KRT8: variants seen among roughly 807,000 people sequenced by gnomAD.
The protein encoded by KRT8 is keratin 8, also known as keratin, type II cytoskeletal 8.
In KRT8, 24 loss-of-function variants were observed where a neutral mutation model predicts 43.0. The ratio of observed to expected loss-of-function variants is 0.56; its 90% CI spans 0.40 to 0.78. The LOEUF is 0.78. Ranked by LOEUF, KRT8 falls within the 30% of genes least tolerant of loss-of-function variation. The pLI is 0.00. For missense variants in KRT8, 492 were observed against 638.4 expected (o/e 0.77, Z 2.47); for synonymous variants, 214 against 261.2 (o/e 0.82, Z 1.74).
At chr12:52,927,714 C>T (rs1444562122) in intron 2 of KRT8, among the ~76,000 whole-genome samples, 1 of 152,190 alleles carries the variant, frequency 6.6e-6, no homozygotes, top group Non-Finnish European at 1.5e-5. Context: ...TACAGACACA[C>T]ATGTTCTTGT....
chr12:52,925,493 G>T (rs1941971632), intron 2 of KRT8, among the ~76,000 whole-genome samples: 2 of 152,142 alleles, frequency 1.3e-5, no homozygotes, highest in Admixed American at 1.3e-4. Context: ...CTCTTCCCCT[G>T]CAGGTATCCC....
intron 2 of KRT8, among the ~76,000 whole-genome samples, chr12:52,921,449 G>A (rs1941884534): frequency 6.6e-6 from 1 of 152,086 alleles, no homozygotes; most frequent in African/African-American, 2.4e-5. Flanking sequence ...CTATGGCTTC[G>A]ATGGCTCCCA....
chr12:52,897,684 T>C (rs2120537194), intron 7 of KRT8, 66 bp from the exon 8 acceptor site: 20 of 1,594,034 alleles, frequency 1.3e-5, no homozygotes, highest in Non-Finnish European at 1.6e-5. Flanking sequence ...CCATGCCCCT[T>C]CTCCCTGCTC....
chr12:52,912,886 GCACAGGCAGCGTGACCAGGTA>G (rs550304697), intron 2 of KRT8, among the ~76,000 whole-genome samples: 1,528 of 152,342 alleles, frequency 0.01, 11 homozygotes, highest in Non-Finnish European at 0.014. Flanking sequence ...TAGCCACTTA[GCACAGGCAGCGTGACCAGGTA>G]CACAGGCAGC....
At chr12:52,918,196 G>GAAGAAC (rs1565725644) in intron 2 of KRT8, among the ~76,000 whole-genome samples, 18 of 125,894 alleles carry the variant, frequency 1.4e-4, no homozygotes, top group Non-Finnish European at 2.7e-4. Context: ...AGAAGAAGAA[G>GAAGAAC]AAGAAGAACA....
At chr12:52,949,023 G>A (rs905598458) in intron 2 of KRT8, 5 of 700,084 alleles carry the variant, frequency 7.1e-6, no homozygotes, top group Non-Finnish European at 1.2e-5. Flanking sequence ...CGCGGGCTCC[G>A]AGCCGTCCAC....
At chr12:52,905,976 G>A (rs1941509727), upstream of KRT8, among the ~76,000 whole-genome samples, 1 of 152,200 alleles carries the variant, frequency 6.6e-6, no homozygotes. Flanking sequence ...AGCTACTCAG[G>A]AGGCTGAGGC....
At chr12:52,906,449 G>C (rs1476302611), upstream of KRT8, 3 of 319,124 alleles carry the variant, frequency 9.4e-6, no homozygotes, top group Admixed American at 4.2e-5. Flanking sequence ...AGAGGAAATA[G>C]AGGAAGAGTC....
At position 52,929,188 on chromosome 12, in the gene KRT8, CTTT is replaced by C. The variant is rs59896088; in HGVS notation, c.-47+20265_-47+20267del. 3.6e-3 allele frequency among the ~76,000 whole-genome samples: 483 copies of C among 132,898 alleles called. 3 individuals carry two copies. The highest frequency in any genetic ancestry group is 3.4e-3 in the Non-Finnish European group (218 of 63,608). The allele number at this position is 132,898 out of a possible 152,430, so 87.2% of individuals were successfully genotyped here. ...CCACTCCTCCTTCCTTCCTTCCTTT[CTTT>C]TTTTTTTTTTTTTTTCCAGATTCTC... On this transcript the variant is annotated intron_variant, in intron 2 of 6. Transcript: ENST00000546826.
intron 2 of KRT8, among the ~76,000 whole-genome samples, chr12:52,939,929 A>T (rs968739466): frequency 5.9e-5 from 9 of 152,034 alleles, no homozygotes; most frequent in African/African-American, 2.2e-4. Context: ...TGAGACCCTC[A>T]TCTCTACCAA....
At chr12:52,911,961 G>A (rs537665235), upstream of KRT8, among the ~76,000 whole-genome samples, 1 of 152,308 alleles carries the variant, frequency 6.6e-6, no homozygotes, top group South Asian at 2.1e-4. Flanking sequence ...TCTGGGAGGT[G>A]GAGGTTGCAG....
At chr12:52,916,236 T>C (rs571836880) in intron 2 of KRT8, among the ~76,000 whole-genome samples, 38 of 151,470 alleles carry the variant, frequency 2.5e-4, no homozygotes, top group African/African-American at 9.2e-4. Flanking sequence ...TCAGGATAGA[T>C]GGTAGGGGCA....
intron 2 of KRT8, among the ~76,000 whole-genome samples, chr12:52,915,859 C>T (rs1201216762): frequency 1.3e-5 from 2 of 152,106 alleles, no homozygotes; most frequent in Non-Finnish European, 2.9e-5. Context: ...GTGTACACAC[C>T]GAGCCCTTCT....
At chr12:52,943,603 C>G (rs566066283) in intron 2 of KRT8, among the ~76,000 whole-genome samples, 1 of 152,340 alleles carries the variant, frequency 6.6e-6, no homozygotes, top group African/African-American at 2.4e-5. Context: ...GGGGGATGCT[C>G]CAGGTGGGCC....
intron 1 of KRT8, chr12:52,902,288 A>G: frequency 1.7e-6 from 1 of 586,148 alleles, no homozygotes; most frequent in Non-Finnish European, 3.0e-6. Flanking sequence ...AGCATTGGGT[A>G]GGGGAAGGAG....
chr12:52,921,323 G>C (rs1482104941), intron 2 of KRT8, among the ~76,000 whole-genome samples: 1 of 152,182 alleles, frequency 6.6e-6, no homozygotes, highest in Non-Finnish European at 1.5e-5. Flanking sequence ...GCAGCCTCCA[G>C]AACATGGAAG....
At chr12:52,934,674 A>T (rs983394103) in intron 2 of KRT8, among the ~76,000 whole-genome samples, 15 of 152,058 alleles carry the variant, frequency 9.9e-5, no homozygotes, top group African/African-American at 3.6e-4. Context: ...GTATCAGCAT[A>T]AAGATAGATA....
rs1415199388 is a variant in KRT8, at chr12:52,901,720, C to T, written c.533+144G>A. On this transcript the variant is annotated intron_variant, in intron 2 of 7. Transcript: ENST00000692008. ...ACCTGGGCATAAACACAGACTGTTCCGAGCAAACCTCATCAGGTGGTCACC... is the reference window on the plus strand; with the variant it reads ...ACCTGGGCATAAACACAGACTGTTCTGAGCAAACCTCATCAGGTGGTCACC... The T allele has an allele frequency of 3.0e-5, 21 of 688,892 alleles. 1 individual carries two copies. The highest frequency in any genetic ancestry group is 7.1e-5 in the African/African-American group (4 of 56,732). 42.7% of individuals were successfully genotyped at this position (688,892 alleles called of 1,614,324 possible).
chr12:52,943,947 C>T (rs1942305293), intron 2 of KRT8, among the ~76,000 whole-genome samples: 1 of 152,182 alleles, frequency 6.6e-6, no homozygotes, highest in African/African-American at 2.4e-5. Context: ...CAGTCTTAGC[C>T]ACCCTGCCCT....
Sources: allele counts gnomAD v4.1 joint callset (sites outside exome capture counted in the v4.1 genomes callset), GRCh38; gene constraint gnomAD v4.1.1; transcripts MANE v1.5; gene names NCBI Gene and HGNC (gene_info 2026-07-23, HGNC 2026-07-21).